Variants in CAB39L observed in about 807,000 individuals in gnomAD.
CAB39L encodes calcium-binding protein 39-like.
In CAB39L, 23 loss-of-function variants were observed where a neutral mutation model predicts 39.1. That is an observed-to-expected ratio of 0.59 (90% CI 0.42 to 0.83). The LOEUF (loss-of-function observed/expected upper bound fraction) is 0.83. Among genes scored for constraint, CAB39L ranks in the 40% least tolerant of loss-of-function variants. The pLI, the probability that CAB39L is intolerant of heterozygous loss-of-function variation, is 0.00. For synonymous variants in CAB39L, 126 were observed against 137.2 expected, an observed-to-expected ratio of 0.92 and a Z score of 0.57; for missense variants, 366 against 391.9, an observed-to-expected ratio of 0.93 and a Z score of 0.56.
intron 8 of CAB39L, among the ~76,000 whole-genome samples, chr13:49,341,820 T>C (rs1021694568): frequency 1.3e-5 from 2 of 152,192 alleles, no homozygotes; most frequent in Non-Finnish European, 2.9e-5. Flanking sequence ...ATTGTATGCA[T>C]ATATCAACAT....
chr13:49,339,943 T>C (rs1235007875), intron 8 of CAB39L, among the ~76,000 whole-genome samples: 1 of 152,208 alleles, frequency 6.6e-6, no homozygotes, highest in Non-Finnish European at 1.5e-5. Flanking sequence ...TTCTGCAAAT[T>C]AGATAAAAAC....
At chr13:49,327,075 G>T (rs1290166360) in intron 10 of CAB39L, among the ~76,000 whole-genome samples, 1 of 151,812 alleles carries the variant, frequency 6.6e-6, no homozygotes, top group African/African-American at 2.4e-5. Flanking sequence ...CTAACACATG[G>T]AAGAGTACAA....
At chr13:49,317,146 C>T (rs1171644607) in intron 10 of CAB39L, among the ~76,000 whole-genome samples, 1 of 152,172 alleles carries the variant, frequency 6.6e-6, no homozygotes, top group Non-Finnish European at 1.5e-5. Context: ...AAGTGTACCG[C>T]ATTAGCAGAA....
At chr13:49,380,441 A>C (rs1956229451) in intron 4 of CAB39L, among the ~76,000 whole-genome samples, 2 of 152,222 alleles carry the variant, frequency 1.3e-5, no homozygotes, top group Non-Finnish European at 2.9e-5. Flanking sequence ...TATTTTAAAG[A>C]ATACTAGGCA....
Position 49,309,907 on chromosome 13 carries a change from C to A in CAB39L, c.*907G>T, listed in dbSNP as rs1415385669. The A allele has an allele frequency of 6.6e-6, 1 of 152,232 alleles. No individual in the cohort carries two copies. Among genetic ancestry groups the A allele is most frequent in the Admixed American group, 6.5e-5 (1 of 15,282 alleles). The allele number at this position is 152,232 out of a possible 1,614,324, so 9.4% of individuals were successfully genotyped here. A position where few individuals can be genotyped will look rare whatever the true frequency, so the allele number is the denominator to read the frequency against. On this transcript the variant is annotated 3_prime_UTR_variant, in exon 11 of 11. Coordinates refer to ENST00000409308, the MANE Select transcript of CAB39L (RefSeq NM_001079670.3). The stretch of plus-strand genomic sequence containing the variant: ...CTGATAGAAGTTCCCCGCTGAGACT[C>A]CCTGGACCCATGGTTTGTGCCTGCT...
chr13:49,422,665 T>C lies in CAB39L; in HGVS notation c.-32+10653A>G, dbSNP rs538929190. On this transcript the variant is annotated intron_variant, in intron 3 of 10. Transcript: ENST00000409308. ...AGTCTCACTATGTCCCCCAGGCTGG[T>C]CTCAAACTCCCAGGTTCAGTGATCC... 2.8e-3 allele frequency among the ~76,000 whole-genome samples: 419 copies of C among 151,724 alleles called. 1 individual carries two copies. The highest frequency in any genetic ancestry group is 9.7e-3 in the African/African-American group (403 of 41,366).
intron 1 of CAB39L, among the ~76,000 whole-genome samples, chr13:49,438,601 T>G (rs537581911): frequency 6.6e-6 from 1 of 152,370 alleles, no homozygotes; most frequent in South Asian, 2.1e-4. Flanking sequence ...TTTATTTCTT[T>G]GAATAAATAC....
intron 1 of CAB39L, among the ~76,000 whole-genome samples, chr13:49,441,991 C>T (rs1339650983): frequency 1.3e-5 from 2 of 152,152 alleles, no homozygotes; most frequent in African/African-American, 4.8e-5. Flanking sequence ...GTCTCACCAG[C>T]AAGACTAAGG....
At chr13:49,381,292 A>T (rs981395760) in intron 4 of CAB39L, among the ~76,000 whole-genome samples, 2 of 152,192 alleles carry the variant, frequency 1.3e-5, no homozygotes, top group Non-Finnish European at 2.9e-5. Context: ...TCCTTAATGT[A>T]CTAAAGACCG....
intron 4 of CAB39L, chr13:49,382,517 G>T (rs1399894350): frequency 5.2e-6 from 1 of 193,666 alleles, no homozygotes; most frequent in South Asian, 1.5e-4. Context: ...TACCTTTCAT[G>T]TAAATGTAAC....
At chr13:49,346,683 G>C (rs185614511) in intron 7 of CAB39L, among the ~76,000 whole-genome samples, 1 of 152,146 alleles carries the variant, frequency 6.6e-6, no homozygotes, top group African/African-American at 2.4e-5. Flanking sequence ...GGAGTGTACC[G>C]AGCACTTTGC....
chr13:49,314,404 C>G lies in CAB39L; in HGVS notation c.835-3411G>C, dbSNP rs75859880. Among the ~76,000 whole-genome samples, 437 of 152,250 alleles carry G rather than the reference C, an allele frequency of 2.9e-3. 9 individuals carry two copies. In the East Asian group the frequency reaches 0.047, roughly 16 times the overall value. On this transcript the variant is annotated intron_variant, in intron 10 of 10. Transcript: ENST00000409308. Reference sequence around the variant, plus strand: ...TCTGTTGTCACTGTATGTGGGGAGTCGTGCTTGCTGGAGGCAAAGTGCCTG... The same window carrying G: ...TCTGTTGTCACTGTATGTGGGGAGTGGTGCTTGCTGGAGGCAAAGTGCCTG...
intron 9 of CAB39L, among the ~76,000 whole-genome samples, chr13:49,332,879 T>C (rs1012741103): frequency 2.0e-5 from 3 of 151,898 alleles, no homozygotes; most frequent in Non-Finnish European, 4.4e-5. Flanking sequence ...TACTGTAATA[T>C]AACTTTATAT....
intron 5 of CAB39L, among the ~76,000 whole-genome samples, chr13:49,372,406 CCCAGTGGG>C (rs1955944799): frequency 6.6e-6 from 1 of 152,122 alleles, no homozygotes; most frequent in South Asian, 2.1e-4. Flanking sequence ...TTGTCCCTAC[CCCAGTGGG>C]CCACTTTCCT....
At chr13:49,394,760 C>T (rs962277738) in intron 3 of CAB39L, among the ~76,000 whole-genome samples, 1 of 151,850 alleles carries the variant, frequency 6.6e-6, no homozygotes, top group East Asian at 1.9e-4. Context: ...GTGTGTCTTA[C>T]AATTGTTGGT....
intron 3 of CAB39L, among the ~76,000 whole-genome samples, chr13:49,419,599 A>G (rs1566131590): frequency 6.6e-6 from 1 of 152,176 alleles, no homozygotes; most frequent in Admixed American, 6.5e-5. Context: ...TAGGAAGAAG[A>G]AGAAATGAAA....
intron 3 of CAB39L, among the ~76,000 whole-genome samples, chr13:49,416,159 T>C (rs1384410455): frequency 6.6e-6 from 1 of 152,222 alleles, no homozygotes; most frequent in Non-Finnish European, 1.5e-5. Context: ...TCACTGTTCA[T>C]GGATGGGGAG....
At chr13:49,369,198 CT>C (rs1312280080) in intron 5 of CAB39L, among the ~76,000 whole-genome samples, 1 of 152,158 alleles carries the variant, frequency 6.6e-6, no homozygotes, top group Non-Finnish European at 1.5e-5. Context: ...CCCAACAGCC[CT>C]ACTCCTAGGT....
chr13:49,435,522 A>G (rs1464961830), intron 1 of CAB39L, among the ~76,000 whole-genome samples: 3 of 152,112 alleles, frequency 2.0e-5, no homozygotes, highest in Admixed American at 1.3e-4. Context: ...TATTTTTGAG[A>G]TGAAGTCTTG....
Sources: gnomAD v4.1 joint callset for allele counts (sites outside exome capture counted in the v4.1 genomes callset) on GRCh38, gnomAD v4.1.1 for gene constraint, MANE v1.5 for transcripts, NCBI Gene and HGNC (gene_info 2026-07-23, HGNC 2026-07-21) for gene names.